GULP1: variants seen among roughly 807,000 people sequenced by gnomAD.
GULP1 encodes GULP PTB domain containing engulfment adaptor 1.
GULP1 carries 19 observed loss-of-function variants against 40.9 expected under a neutral mutation model. The ratio of observed to expected loss-of-function variants is 0.46; its 90% CI spans 0.32 to 0.68. The LOEUF (loss-of-function observed/expected upper bound fraction) is 0.68. Among genes scored for constraint, GULP1 ranks in the 30% least tolerant of loss-of-function variants. The pLI is 0.03. For synonymous variants in GULP1, 119 were observed against 117.6 expected (o/e 1.01, Z -0.08); for missense variants, 312 against 362.2 (o/e 0.86, Z 1.12).
chr2:188,471,070 C>T (rs546436805), intron 2 of GULP1, among the ~76,000 whole-genome samples: 1 of 152,188 alleles, frequency 6.6e-6, no homozygotes, highest in South Asian at 2.1e-4. Context: ...TTGTTATATC[C>T]TCTTGCTGAA....
At chr2:188,307,930 A>G (rs1413481508) in intron 1 of GULP1, among the ~76,000 whole-genome samples, 1 of 152,322 alleles carries the variant, frequency 6.6e-6, no homozygotes, top group Non-Finnish European at 1.5e-5. Context: ...TAGTAATAAG[A>G]GAAACATTAA....
intron 2 of GULP1, among the ~76,000 whole-genome samples, chr2:188,421,370 A>G (rs1209245384): frequency 6.6e-6 from 1 of 152,148 alleles, no homozygotes; most frequent in Non-Finnish European, 1.5e-5. Context: ...TTAACTTGAA[A>G]TATTTGTGCA....
rs1316074402 is a variant in GULP1 at position 188,584,298 on chromosome 2, G to A, written c.643G>A (p.Asp215Asn). 6.2e-7 allele frequency: 1 copy of A among 1,608,878 alleles called. No individual in the cohort carries two copies. Among genetic ancestry groups the A allele is most frequent in the Admixed American group, 1.7e-5 (1 of 59,962 alleles). Residue 215 changes from aspartate to asparagine, a missense_variant, in exon 10 of 12, where the codon GAC becomes AAC. Asp to Asn is a conservative substitution (Grantham distance 23, BLOSUM62 1). Transcript: ENST00000409830. ...GSMTPKSPST[D>N]IFDMIPFSPI... ...TATGACACCTAAGTCGCCCTCCACT[G>A]ACATCTTTGATATGATTCCATTTTC... is the stretch of plus-strand genomic sequence containing the variant.
chr2:188,470,082 T>C (rs913238672), intron 2 of GULP1, among the ~76,000 whole-genome samples: 4 of 152,014 alleles, frequency 2.6e-5, no homozygotes, highest in Admixed American at 6.6e-5. Flanking sequence ...ATAGAATGAG[T>C]TTGGAAGTAT....
chr2:188,478,694 C>G (rs1456324089), intron 3 of GULP1, among the ~76,000 whole-genome samples: 2 of 151,934 alleles, frequency 1.3e-5, no homozygotes, highest in Non-Finnish European at 2.9e-5. Context: ...TCAAATATTG[C>G]TGTTATTTGG....
At chr2:188,385,673 A>G (rs10185828) in intron 2 of GULP1, among the ~76,000 whole-genome samples, 43,069 of 151,976 alleles carry the variant, frequency 0.28, 7,489 homozygotes, top group African/African-American at 0.5. Context: ...CCCAAGTCAC[A>G]TCTTGAATGC....
intron 4 of GULP1, among the ~76,000 whole-genome samples, chr2:188,505,247 T>C (rs1400793965): frequency 1.3e-5 from 2 of 151,742 alleles, no homozygotes; most frequent in Non-Finnish European, 2.9e-5. Flanking sequence ...TGGTATGTGT[T>C]TTCCTTCCAC....
At chr2:188,389,321 A>ATTCATTT (rs954208787) in intron 2 of GULP1, among the ~76,000 whole-genome samples, 12 of 152,224 alleles carry the variant, frequency 7.9e-5, no homozygotes, top group Non-Finnish European at 1.6e-4. Context: ...TTAATTAAGG[A>ATTCATTT]TTCATTTATT....
intron 1 of GULP1, among the ~76,000 whole-genome samples, chr2:188,380,624 A>G (rs1431899551): frequency 6.6e-6 from 1 of 152,202 alleles, no homozygotes; most frequent in Non-Finnish European, 1.5e-5. Flanking sequence ...CTTATAGAGG[A>G]TAAGAAAGAA....
intron 2 of GULP1, among the ~76,000 whole-genome samples, chr2:188,384,890 C>T (rs993685149): frequency 3.3e-5 from 5 of 152,180 alleles, no homozygotes; most frequent in African/African-American, 1.2e-4. Flanking sequence ...GAGGTGAGTT[C>T]CCATGGTCTT....
chr2:188,450,287 A>AT, intron 2 of GULP1, among the ~76,000 whole-genome samples: 1 of 152,150 alleles, frequency 6.6e-6, no homozygotes, highest in East Asian at 1.9e-4. Flanking sequence ...TCTAATTACT[A>AT]TTTTTATCAT....
At chr2:188,559,337 G>A (rs1695643754) in intron 7 of GULP1, among the ~76,000 whole-genome samples, 1 of 152,004 alleles carries the variant, frequency 6.6e-6, no homozygotes, top group Non-Finnish European at 1.5e-5. Context: ...CGTCGTTTTG[G>A]ACCTCCACAG....
intron 4 of GULP1, among the ~76,000 whole-genome samples, chr2:188,515,706 GACACACACACACAC>G (rs58687237): frequency 1.4e-5 from 2 of 145,346 alleles, no homozygotes; most frequent in Admixed American, 1.4e-4. Context: ...TACACACACA[GACACACACACACAC>G]ACACACACAC....
At chr2:188,560,559 T>C (rs1019815959) in intron 7 of GULP1, among the ~76,000 whole-genome samples, 3 of 152,234 alleles carry the variant, frequency 2.0e-5, no homozygotes, top group Admixed American at 2.0e-4. Context: ...CAGATAGTTT[T>C]ATAGCAATGC....
At chr2:188,336,236 A>G (rs2042236093) in intron 1 of GULP1, among the ~76,000 whole-genome samples, 1 of 151,918 alleles carries the variant, frequency 6.6e-6, no homozygotes, top group Non-Finnish European at 1.5e-5. Flanking sequence ...AACTTCTGAT[A>G]TTTTTCTCTT....
chr2:188,529,636 A>G (rs1687058249), intron 6 of GULP1, among the ~76,000 whole-genome samples: 1 of 152,156 alleles, frequency 6.6e-6, no homozygotes, highest in African/African-American at 2.4e-5. Context: ...TGGCTTAAAC[A>G]GCAGAAAATA....
chr2:188,321,837 T>G (rs1411849080), intron 1 of GULP1, among the ~76,000 whole-genome samples: 1 of 151,936 alleles, frequency 6.6e-6, no homozygotes, highest in South Asian at 2.1e-4. Context: ...ACCAACATGG[T>G]GAAACACCAA....
chr2:188,327,222 A>G (rs1482640877), intron 1 of GULP1, among the ~76,000 whole-genome samples: 1 of 152,178 alleles, frequency 6.6e-6, no homozygotes, highest in Admixed American at 6.6e-5. Flanking sequence ...CATGCAATTG[A>G]TGAATGCCCT....
At chr2:188,584,189 T>C (rs1701904040) in intron 9 of GULP1, 76 bp from the exon 10 acceptor site, 1 of 951,568 alleles carries the variant, frequency 1.1e-6, no homozygotes, top group Non-Finnish European at 1.6e-6. Flanking sequence ...ACATATATTT[T>C]ATATGCATAT....
Sources: gnomAD v4.1 joint callset for allele counts (sites outside exome capture counted in the v4.1 genomes callset) on GRCh38, gnomAD v4.1.1 for gene constraint, MANE v1.5 for transcripts, NCBI Gene and HGNC (gene_info 2026-07-23, HGNC 2026-07-21) for gene names.